Variants in PALM2AKAP2 observed in about 807,000 individuals in gnomAD.
PALM2AKAP2 encodes the protein PALM2-AKAP2 fusion protein.
In PALM2AKAP2, 37 loss-of-function variants were observed where a neutral mutation model predicts 71.5. The ratio of observed to expected loss-of-function variants is 0.52; its 90% CI spans 0.40 to 0.68. The LOEUF is 0.68. PALM2AKAP2 is among the 30% of genes least tolerant of loss of function. The pLI is 0.00. For synonymous variants in PALM2AKAP2, 468 were observed against 478.8 expected (o/e 0.98, Z 0.29); for missense variants, 1,224 against 1,191.8 (o/e 1.03, Z -0.40).
upstream of PALM2AKAP2, among the ~76,000 whole-genome samples, chr9:110,048,320 AC>A (rs1350267057): frequency 6.6e-6 from 1 of 151,954 alleles, no homozygotes; most frequent in Non-Finnish European, 1.5e-5. Flanking sequence ...ATATGTGTAC[AC>A]CAACACACAC....
intron 1 of PALM2AKAP2, among the ~76,000 whole-genome samples, chr9:109,844,411 A>G (rs1427582161): frequency 6.6e-6 from 1 of 152,218 alleles, no homozygotes; most frequent in African/African-American, 2.4e-5. Context: ...TTCTGGAACA[A>G]AGAAAGAACA....
At chr9:109,676,471 G>A (rs1827650784) in intron 1 of PALM2AKAP2, among the ~76,000 whole-genome samples, 1 of 152,176 alleles carries the variant, frequency 6.6e-6, no homozygotes, top group African/African-American at 2.4e-5. Flanking sequence ...GTGTTTTACT[G>A]CAATCATTGA....
chr9:110,107,144 T>C (rs1835138907), intron 1 of PALM2AKAP2, among the ~76,000 whole-genome samples: 1 of 152,218 alleles, frequency 6.6e-6, no homozygotes, highest in Admixed American at 6.5e-5. Flanking sequence ...ATTCTAGTTG[T>C]TTGGTTTTTT....
chr9:109,901,134 C>T (rs143019453), intron 3 of PALM2AKAP2, among the ~76,000 whole-genome samples: 1 of 152,250 alleles, frequency 6.6e-6, no homozygotes, highest in Non-Finnish European at 1.5e-5. Context: ...GCCCTTTCAG[C>T]CTCAAGTAGT....
intron 7 of PALM2AKAP2, among the ~76,000 whole-genome samples, chr9:110,031,283 C>T (rs553906746): frequency 3.9e-4 from 59 of 152,200 alleles, no homozygotes; most frequent in African/African-American, 1.4e-3. Context: ...GTGTGCGCCA[C>T]CAGGCCTGGC....
At chr9:110,129,355 C>T (rs17806457) in intron 1 of PALM2AKAP2, among the ~76,000 whole-genome samples, 10,717 of 152,284 alleles carry the variant, frequency 0.07, 566 homozygotes, top group East Asian at 0.2. Flanking sequence ...TCCATCCACT[C>T]TTCTTACCAT....
chr9:110,075,618 A>G (rs1732659635), intron 1 of PALM2AKAP2, among the ~76,000 whole-genome samples: 1 of 151,828 alleles, frequency 6.6e-6, no homozygotes, highest in Non-Finnish European at 1.5e-5. Context: ...TAACCTCTAT[A>G]GTCGCTCCTG....
intron 6 of PALM2AKAP2, chr9:109,942,586 GA>G: frequency 7.5e-7 from 1 of 1,341,362 alleles, no homozygotes. Context: ...AGTTAGAATA[GA>G]AAGGGCACAA....
At chr9:109,876,666 A>C (rs1416571615) in intron 2 of PALM2AKAP2, among the ~76,000 whole-genome samples, 2 of 151,728 alleles carry the variant, frequency 1.3e-5, no homozygotes, top group Non-Finnish European at 2.9e-5. Context: ...TTTTAGTAGA[A>C]ATGGTGTTTC....
exon 2 of PALM2AKAP2, chr9:110,137,040 G>C: frequency 6.2e-7 from 1 of 1,614,048 alleles, no homozygotes; most frequent in Non-Finnish European, 8.5e-7. Flanking sequence ...TACAAGGAGC[G>C]CAAAGAGAGA....
intron 1 of PALM2AKAP2, among the ~76,000 whole-genome samples, chr9:109,851,465 C>T (rs1206817135): frequency 2.6e-5 from 4 of 152,158 alleles, no homozygotes; most frequent in African/African-American, 9.7e-5. Flanking sequence ...GCACCACTTA[C>T]ATGGTATTAA....
intron 1 of PALM2AKAP2, among the ~76,000 whole-genome samples, chr9:109,708,464 T>C (rs1328204251): frequency 1.3e-5 from 2 of 152,220 alleles, no homozygotes; most frequent in Non-Finnish European, 2.9e-5. Context: ...TCAAGCATCA[T>C]ATGGCAAAAT....
intron 1 of PALM2AKAP2, among the ~76,000 whole-genome samples, chr9:110,119,259 C>T (rs1270754313): frequency 2.7e-5 from 4 of 149,034 alleles, no homozygotes; most frequent in African/African-American, 7.4e-5. Context: ...AGGAGATTTG[C>T]TTGAACCCGG....
chr9:109,735,040 T>C (rs1327579159), intron 1 of PALM2AKAP2, among the ~76,000 whole-genome samples: 4 of 151,922 alleles, frequency 2.6e-5, no homozygotes, highest in Admixed American at 6.6e-5. Context: ...TCAAGGAGCA[T>C]TGAGAAATAA....
chr9:109,647,422 C>T (rs1827170183), intron 1 of PALM2AKAP2, among the ~76,000 whole-genome samples: 2 of 152,122 alleles, frequency 1.3e-5, no homozygotes, highest in African/African-American at 4.8e-5. Context: ...AATGAACATC[C>T]TTGTCCACAC....
chr9:109,851,973 A>G (rs1277000184), intron 1 of PALM2AKAP2, among the ~76,000 whole-genome samples: 1 of 152,214 alleles, frequency 6.6e-6, no homozygotes, highest in East Asian at 1.9e-4. Context: ...AGAAAGCAAC[A>G]TGGAAACCAC....
Position 110,137,282 on chromosome 9 carries a change from CTGTT to C in PALM2AKAP2, c.1313_1316del (p.Leu438ProfsTer19), listed in dbSNP as rs1169581581. ...GGCCAAGGGCCAGAGTACACCCAGG[CTGTT>C]CTCCATCAAGCCTTTCTACAGGCCT... is the stretch of plus-strand genomic sequence containing the variant. On this transcript the variant is annotated frameshift_variant, in exon 2 of 4. Transcript: ENST00000374525. LOFTEE classifies it high-confidence loss of function. 1.2e-6 allele frequency: 2 copies of C among 1,614,202 alleles called. No individual in the cohort carries two copies. The highest frequency in any genetic ancestry group is 2.2e-5 in the South Asian group (2 of 91,084).
chr9:110,143,312 C>G (rs1836080655), intron 2 of PALM2AKAP2, among the ~76,000 whole-genome samples: 1 of 143,644 alleles, frequency 7.0e-6, no homozygotes, highest in Non-Finnish European at 1.5e-5. Flanking sequence ...GTCCCAGCTA[C>G]TTGGGAAGCT....
exon 2 of PALM2AKAP2, chr9:110,136,851 G>A: frequency 6.2e-7 from 1 of 1,614,172 alleles, no homozygotes; most frequent in Non-Finnish European, 8.5e-7. Flanking sequence ...GAACAATACT[G>A]CATTAGAAAA....
Sources: allele counts gnomAD v4.1 joint callset (sites outside exome capture counted in the v4.1 genomes callset), GRCh38; gene constraint gnomAD v4.1.1; transcripts MANE v1.5; gene names NCBI Gene and HGNC (gene_info 2026-07-23, HGNC 2026-07-21).